COL21A1: variants seen among roughly 807,000 people sequenced by gnomAD.
COL21A1 encodes collagen type XXI alpha 1 chain.
In COL21A1, 149 loss-of-function variants were observed where a neutral mutation model predicts 137.9. That is an observed-to-expected ratio of 1.08 (90% CI 0.95 to 1.24). The LOEUF is 1.24. Ranked by LOEUF, COL21A1 falls within the 50% of genes most tolerant of loss-of-function variation. The pLI, the probability that COL21A1 is intolerant of heterozygous loss-of-function variation, is 0.00. For missense variants in COL21A1, 1,167 were observed against 1,158.4 expected (o/e 1.01, Z -0.11); for synonymous variants, 456 against 391.5 (o/e 1.16, Z -1.95).
At chr6:56,201,504 G>A (rs1471602620) in intron 1 of COL21A1, among the ~76,000 whole-genome samples, 1 of 152,136 alleles carries the variant, frequency 6.6e-6, no homozygotes, top group Non-Finnish European at 1.5e-5. Context: ...AAGGGATCCA[G>A]TTTCAGCTTT....
At chr6:56,188,602 C>G (rs1372646184) in intron 1 of COL21A1, among the ~76,000 whole-genome samples, 1 of 152,212 alleles carries the variant, frequency 6.6e-6, no homozygotes, top group African/African-American at 2.4e-5. Context: ...CTGAAGAGAT[C>G]AGTGGACATG....
intron 1 of COL21A1, among the ~76,000 whole-genome samples, chr6:56,297,547 G>C (rs1304332658): frequency 2.0e-5 from 3 of 152,082 alleles, no homozygotes; most frequent in Non-Finnish European, 4.4e-5. Context: ...CTTAAAAATA[G>C]TTAAGAATAT....
intron 1 of COL21A1, among the ~76,000 whole-genome samples, chr6:56,244,729 C>T (rs1003358408): frequency 6.6e-6 from 1 of 152,032 alleles, no homozygotes; most frequent in African/African-American, 2.4e-5. Flanking sequence ...TTTAAAGATG[C>T]CAGATGAGTC....
chr6:56,247,949 C>T (rs528698271), upstream of COL21A1, among the ~76,000 whole-genome samples: 7 of 152,350 alleles, frequency 4.6e-5, no homozygotes, highest in Admixed American at 2.6e-4. Context: ...AAGAACCCCC[C>T]TCTGGGGCGC....
intron 1 of COL21A1, among the ~76,000 whole-genome samples, chr6:56,274,177 T>C (rs1763588811): frequency 1.3e-5 from 2 of 152,142 alleles, no homozygotes; most frequent in African/African-American, 4.8e-5. Flanking sequence ...CCCTTCATGA[T>C]AAAAGTCCTT....
intron 12 of COL21A1, among the ~76,000 whole-genome samples, chr6:56,139,079 A>G (rs1012033249): frequency 6.6e-6 from 1 of 152,256 alleles, no homozygotes; most frequent in African/African-American, 2.4e-5. Context: ...GAGGGTAGAC[A>G]TAGTGGGAAG....
At chr6:56,320,168 TCC>T in intron 1 of COL21A1, among the ~76,000 whole-genome samples, 1 of 152,244 alleles carries the variant, frequency 6.6e-6, no homozygotes, top group Non-Finnish European at 1.5e-5. Flanking sequence ...AGCAACTCCA[TCC>T]TTCGAAGGTC....
chr6:56,121,763 A>G (rs1313401650), intron 16 of COL21A1, among the ~76,000 whole-genome samples: 1 of 151,782 alleles, frequency 6.6e-6, no homozygotes, highest in East Asian at 1.9e-4. Context: ...GTGTGGGAAT[A>G]TGCTGCACTT....
intron 3 of COL21A1, among the ~76,000 whole-genome samples, chr6:56,172,032 C>A (rs1777101608): frequency 1.4e-5 from 2 of 148,056 alleles, no homozygotes; most frequent in African/African-American, 2.5e-5. Flanking sequence ...TAAGCAACAC[C>A]ATCAAGCATA....
chr6:56,179,831 G>C lies in COL21A1; in HGVS notation c.387C>G (p.Ala129=). The C allele has an allele frequency of 6.2e-7, 1 of 1,613,914 alleles. No individual in the cohort carries two copies. The highest frequency in any genetic ancestry group is 8.5e-7 in the Non-Finnish European group (1 of 1,179,864). The change falls in exon 3 of 30, where the codon GCC becomes GCG. Residue 129 remains alanine, a synonymous_variant. Coordinates refer to ENST00000244728, the MANE Select transcript of COL21A1 (RefSeq NM_030820.4). ...AIQFALDYLF[A]KSSRFLTKIA... ...TCTTAGTCAGAAATCGTGAGGACTT[G>C]GCAAAAAGGTAATCGAGCGCAAACT...
intron 17 of COL21A1, among the ~76,000 whole-genome samples, chr6:56,087,035 A>G (rs903712636): frequency 1.5e-4 from 23 of 151,650 alleles, no homozygotes; most frequent in African/African-American, 5.1e-4. Flanking sequence ...TCCACGATCC[A>G]TATCTTGGGA....
chr6:56,223,276 T>G (rs1159937154), intron 1 of COL21A1, among the ~76,000 whole-genome samples: 1 of 152,086 alleles, frequency 6.6e-6, no homozygotes, highest in Non-Finnish European at 1.5e-5. Context: ...CTTGAGCTTA[T>G]TTTTGTCTTC....
At chr6:56,097,948 A>AAT (rs1562188801) in intron 17 of COL21A1, among the ~76,000 whole-genome samples, 6 of 71,918 alleles carry the variant, frequency 8.3e-5, no homozygotes, top group South Asian at 4.2e-4. Flanking sequence ...AATATATATA[A>AAT]ATATAAAAAT....
chr6:56,281,466 TATC>T (rs1763783783), intron 1 of COL21A1, among the ~76,000 whole-genome samples: 1 of 152,148 alleles, frequency 6.6e-6, no homozygotes, highest in African/African-American at 2.4e-5. Flanking sequence ...CTATTATCAT[TATC>T]ATCAACCTCA....
chr6:56,297,357 T>C (rs1262732555), intron 1 of COL21A1, among the ~76,000 whole-genome samples: 1 of 152,092 alleles, frequency 6.6e-6, no homozygotes, highest in Non-Finnish European at 1.5e-5. Context: ...TTGTTTTTTT[T>C]ATTCTCTTCT....
chr6:56,176,689 G>C (rs11970687), intron 3 of COL21A1, among the ~76,000 whole-genome samples: 95,030 of 148,896 alleles, frequency 0.64, 30,720 homozygotes, highest in East Asian at 0.86. Context: ...GGGAAGGAAG[G>C]AGGGAGGTTT....
chr6:56,241,104 T>C (rs766906473), intron 1 of COL21A1, among the ~76,000 whole-genome samples: 1 of 152,142 alleles, frequency 6.6e-6, no homozygotes, highest in Non-Finnish European at 1.5e-5. Context: ...TGCTATGAAC[T>C]GAAAGCTGCC....
chr6:56,268,221 T>C (rs72877975), intron 1 of COL21A1, among the ~76,000 whole-genome samples: 1,760 of 152,308 alleles, frequency 0.012, 16 homozygotes, highest in Non-Finnish European at 0.019. Flanking sequence ...CATGCTTCCA[T>C]TCATAGGTCC....
chr6:56,242,719 G>C (rs965668135), intron 1 of COL21A1, among the ~76,000 whole-genome samples: 2 of 152,136 alleles, frequency 1.3e-5, no homozygotes, highest in Non-Finnish European at 2.9e-5. Flanking sequence ...TGAATTCTTT[G>C]AAGTGACAAA....
Sources: gnomAD v4.1 joint callset for allele counts (sites outside exome capture counted in the v4.1 genomes callset) on GRCh38, gnomAD v4.1.1 for gene constraint, MANE v1.5 for transcripts, NCBI Gene and HGNC (gene_info 2026-07-23, HGNC 2026-07-21) for gene names.